Variants in MAML2 observed in about 807,000 individuals in gnomAD.
MAML2 encodes mastermind like transcriptional coactivator 2.
A neutral mutation model predicts 96.1 loss-of-function variants in MAML2; 22 were observed. The observed-to-expected ratio is 0.23, with a 90% CI of 0.16 to 0.33. The LOEUF (loss-of-function observed/expected upper bound fraction) is 0.33. Among genes scored for constraint, MAML2 ranks in the 10% least tolerant of loss-of-function variants. MAML2 has a pLI of 1.00. For missense variants in MAML2, 1,367 were observed against 1,392.4 expected (o/e 0.98, Z 0.29); for synonymous variants, 561 against 521.3 (o/e 1.08, Z -1.04).
chr11:96,192,978 T>A (rs576531377), intron 1 of MAML2, among the ~76,000 whole-genome samples: 21 of 152,344 alleles, frequency 1.4e-4, no homozygotes, highest in African/African-American at 2.4e-4. Flanking sequence ...CTGTGAACTC[T>A]AGGAATCACA....
chr11:96,323,850 C>T (rs929754446), intron 1 of MAML2, among the ~76,000 whole-genome samples: 1 of 152,216 alleles, frequency 6.6e-6, no homozygotes, highest in African/African-American at 2.4e-5. Context: ...TCCACACAGC[C>T]CTCCAGGTGG....
At chr11:96,210,917 C>T (rs920941423) in intron 1 of MAML2, among the ~76,000 whole-genome samples, 4 of 152,016 alleles carry the variant, frequency 2.6e-5, no homozygotes, top group African/African-American at 7.2e-5. Context: ...ATTTGAAATT[C>T]CTTTGTCTCT....
intron 2 of MAML2, among the ~76,000 whole-genome samples, chr11:96,010,957 T>C (rs1858256628): frequency 6.6e-6 from 1 of 152,210 alleles, no homozygotes; most frequent in Non-Finnish European, 1.5e-5. Context: ...AAATACTGTT[T>C]TTTTCCTCCT....
intron 1 of MAML2, among the ~76,000 whole-genome samples, chr11:96,232,242 C>T (rs1336976355): frequency 5.3e-5 from 8 of 152,164 alleles, no homozygotes; most frequent in Admixed American, 3.9e-4. Context: ...AACGGCTGCA[C>T]AGATTATGTG....
intron 1 of MAML2, among the ~76,000 whole-genome samples, chr11:96,175,184 G>A (rs1565238023): frequency 6.6e-6 from 1 of 152,170 alleles, no homozygotes. Context: ...TTCCTCTACT[G>A]CTTATTTTGT....
chr11:96,153,950 T>TAA (rs879347316), intron 1 of MAML2, among the ~76,000 whole-genome samples: 16,396 of 142,404 alleles, frequency 0.12, 953 homozygotes, highest in Middle Eastern at 0.14. Flanking sequence ...AATAAATAAA[T>TAA]ATGATAAAAC....
At chr11:96,042,622 G>A (rs1194044558) in intron 2 of MAML2, among the ~76,000 whole-genome samples, 2 of 151,900 alleles carry the variant, frequency 1.3e-5, no homozygotes, top group South Asian at 2.1e-4. Flanking sequence ...CTACCTTTTC[G>A]TCTTTAAGCC....
At chr11:96,275,003 T>TAA (rs1862967432) in intron 1 of MAML2, among the ~76,000 whole-genome samples, 1 of 152,166 alleles carries the variant, frequency 6.6e-6, no homozygotes, top group Non-Finnish European at 1.5e-5. Flanking sequence ...ATTGTTGCAC[T>TAA]AATTCCATGT....
chr11:96,091,249 C>T (rs746757623), intron 2 of MAML2, among the ~76,000 whole-genome samples: 28 of 152,172 alleles, frequency 1.8e-4, no homozygotes, highest in Non-Finnish European at 3.2e-4. Flanking sequence ...TTTCCCTTTG[C>T]CGGGTAAGAT....
intron 1 of MAML2, among the ~76,000 whole-genome samples, chr11:96,112,882 A>G (rs1180636833): frequency 2.6e-5 from 4 of 152,252 alleles, no homozygotes; most frequent in African/African-American, 9.6e-5. Context: ...AGAAAGTGTG[A>G]GGGCCACTTG....
At chr11:96,248,201 C>T (rs1204896593) in intron 1 of MAML2, among the ~76,000 whole-genome samples, 1 of 149,784 alleles carries the variant, frequency 6.7e-6, no homozygotes, top group Non-Finnish European at 1.5e-5. Context: ...CAGCCTCCAT[C>T]TCCTAGGTTC....
chr11:96,046,917 A>G (rs994909749), intron 2 of MAML2, among the ~76,000 whole-genome samples: 4 of 152,216 alleles, frequency 2.6e-5, no homozygotes, highest in African/African-American at 9.6e-5. Context: ...AGTTGGCAGA[A>G]TCATAGTCCC....
Position 96,133,899 on chromosome 11 carries a change from T to C in MAML2, c.514-40382A>G, listed in dbSNP as rs112059894. Among the ~76,000 whole-genome samples, 453 of 151,918 alleles carry C rather than the reference T, an allele frequency of 3.0e-3. 1 individual carries two copies. The highest frequency in any genetic ancestry group is 9.9e-3 in the African/African-American group (412 of 41,420). ...GTCCCAGCTACTCAAGAGGCTGAGG[T>C]GGGAGTATCACTTGAGCCCAGGAGG... On this transcript the variant is annotated intron_variant, in intron 1 of 4. Coordinates refer to ENST00000524717, the MANE Select transcript of MAML2 (RefSeq NM_032427.4).
At chr11:96,122,529 T>TGC (rs1555012670) in intron 1 of MAML2, among the ~76,000 whole-genome samples, 3 of 142,300 alleles carry the variant, frequency 2.1e-5, no homozygotes, top group East Asian at 4.2e-4. Context: ...TGTGTGTGTG[T>TGC]GCACGTGCAC....
rs374991058 is a variant in MAML2, at chr11:95,979,859, C to T, written c.2560G>A (p.Gly854Arg). 16 of 1,613,706 alleles carry T rather than the reference C, an allele frequency of 9.9e-6. No individual in the cohort carries two copies. The African/African-American group carries it at 1.2e-4, about 12-fold the overall frequency. The change falls in exon 5 of 5, where the codon GGG (glycine) becomes AGG (arginine). Residue 854 changes from glycine (G) to arginine (R), a missense_variant. By Grantham distance (125) the Gly-to-Arg change is moderately radical (BLOSUM62 -2). Transcript: ENST00000524717. ...PNSSLLSTSH[G>R]TRMPSLSTAV... is the part of the protein sequence containing the mutation. Reference sequence around the variant, plus strand: ...GTAGATAATGATGGCATTCTTGTCCCGTGAGAAGTAGACAGGAGGCTGGAA... The same window carrying T: ...GTAGATAATGATGGCATTCTTGTCCTGTGAGAAGTAGACAGGAGGCTGGAA...
Position 96,341,770 on chromosome 11 carries a change from A to G in MAML2, c.126T>C (p.Ala42=), listed in dbSNP as rs1457420478. The change falls in exon 1 of 5, where the codon GCT becomes GCC. Residue 42 remains alanine (A), a synonymous_variant. Transcript: ENST00000524717. ...GGTGTTGGCGGCAGACAGCGATCCG[A>G]GCCCGGAGGCGCTCCACGATAGCAC... ...VHSAIVERLR[A]RIAVCRQHHL... is the part of the protein sequence containing the mutation. The G allele has an allele frequency of 1.9e-6, 3 of 1,612,004 alleles. No homozygotes were observed. The highest frequency in any genetic ancestry group is 2.5e-6 in the Non-Finnish European group (3 of 1,179,610).
rs559369106 is a variant in MAML2 at position 96,138,842 on chromosome 11, G to A, written c.514-45325C>T. On this transcript the variant is annotated intron_variant, in intron 1 of 4. Coordinates refer to ENST00000524717, the MANE Select transcript of MAML2 (RefSeq NM_032427.4). ...TGTCCTAGGGTGCTTGATTTATCTG[G>A]CTGAGTCCCTTACTTTTATATAGAC... 2.6e-5 allele frequency among the ~76,000 whole-genome samples: 4 copies of A among 152,190 alleles called. No individual in the cohort carries two copies. The South Asian group carries it at 8.3e-4, about 32-fold the overall frequency.
At chr11:96,155,579 C>A (rs1434176904) in intron 1 of MAML2, among the ~76,000 whole-genome samples, 2 of 135,278 alleles carry the variant, frequency 1.5e-5, no homozygotes, top group Admixed American at 7.8e-5. Context: ...ACCTAGAACA[C>A]CCTGGTCCAA....
intron 1 of MAML2, among the ~76,000 whole-genome samples, chr11:96,196,390 A>T (rs75668862): frequency 0.074 from 11,321 of 152,320 alleles, 538 homozygotes; most frequent in Middle Eastern, 0.17. Flanking sequence ...CTGCATGAAC[A>T]TAAAACCCCT....
Sources: allele counts gnomAD v4.1 joint callset (sites outside exome capture counted in the v4.1 genomes callset), GRCh38; gene constraint gnomAD v4.1.1; transcripts MANE v1.5; gene names NCBI Gene and HGNC (gene_info 2026-07-23, HGNC 2026-07-21).